Variants in LMX1A observed in about 807,000 individuals in gnomAD.
LMX1A encodes LIM homeobox transcription factor 1 alpha.
A neutral mutation model predicts 49.1 loss-of-function variants in LMX1A; 15 were observed. That is an observed-to-expected ratio of 0.31 (90% CI 0.20 to 0.47). The LOEUF is 0.47. Ranked by LOEUF, LMX1A falls within the 20% of genes least tolerant of loss-of-function variation. The pLI, the probability that LMX1A is intolerant of heterozygous loss-of-function variation, is 1.00. For missense variants in LMX1A, 372 were observed against 475.8 expected (o/e 0.78, Z 2.03); for synonymous variants, 167 against 185.7 (o/e 0.90, Z 0.82).
rs915285745 is a variant in LMX1A, at chr1:165,349,095, T to G, written c.263+3981A>C. Among the ~76,000 whole-genome samples, 3 of 152,164 alleles carry G rather than the reference T, an allele frequency of 2.0e-5. No individual in the cohort carries two copies. In the East Asian group the frequency reaches 5.8e-4, roughly 29 times the overall value. On this transcript the variant is annotated intron_variant, in intron 3 of 8. Coordinates refer to ENST00000342310, the MANE Select transcript of LMX1A (RefSeq NM_177398.4). ...AGCAATCCAAGCGATCATGATAAAC[T>G]TCATATGTGAGGGCAGAGGGCTCCG...
chr1:165,253,086 T>C (rs890894768), intron 3 of LMX1A, among the ~76,000 whole-genome samples: 15 of 152,214 alleles, frequency 9.9e-5, no homozygotes, highest in African/African-American at 3.6e-4. Context: ...ATACTGAGTG[T>C]CTGTTATGTG....
At chr1:165,213,034 C>G (rs1651479114) in intron 5 of LMX1A, 1 of 152,282 alleles carries the variant, frequency 6.6e-6, no homozygotes, top group Non-Finnish European at 1.5e-5. Context: ...CACCCACCAG[C>G]CTTGCCTTGC....
intron 4 of LMX1A, among the ~76,000 whole-genome samples, chr1:165,232,533 C>T (rs1021586479): frequency 6.6e-6 from 1 of 152,094 alleles, no homozygotes; most frequent in East Asian, 1.9e-4. Context: ...GAAGAGGCTT[C>T]TGGCATCATT....
chr1:165,226,606 T>C (rs1043237675), intron 4 of LMX1A, among the ~76,000 whole-genome samples: 4 of 152,156 alleles, frequency 2.6e-5, no homozygotes, highest in South Asian at 4.1e-4. Context: ...TCGGGAATCA[T>C]AGGTGGCTGA....
intron 3 of LMX1A, among the ~76,000 whole-genome samples, chr1:165,289,544 T>C (rs962519095): frequency 2.0e-5 from 3 of 152,242 alleles, no homozygotes; most frequent in Admixed American, 6.5e-5. Context: ...ATGTAAAATG[T>C]TCATGTTTCC....
intron 3 of LMX1A, among the ~76,000 whole-genome samples, chr1:165,309,540 A>G (rs572152033): frequency 1.5e-4 from 23 of 152,266 alleles, no homozygotes; most frequent in African/African-American, 5.1e-4. Flanking sequence ...TTCCTTGAGG[A>G]AGTCCCTCCC....
chr1:165,233,126 C>CA (rs1652293291), intron 4 of LMX1A, among the ~76,000 whole-genome samples: 1 of 152,190 alleles, frequency 6.6e-6, no homozygotes, highest in South Asian at 2.1e-4. Flanking sequence ...CATGAAGACT[C>CA]ACACAATTGC....
intron 3 of LMX1A, among the ~76,000 whole-genome samples, chr1:165,276,021 G>A (rs1161789375): frequency 6.6e-6 from 1 of 151,994 alleles, no homozygotes; most frequent in Non-Finnish European, 1.5e-5. Flanking sequence ...GAGTGTGAGT[G>A]ATGGGATGCA....
chr1:165,271,366 T>C (rs533447799), intron 3 of LMX1A, among the ~76,000 whole-genome samples: 3 of 152,304 alleles, frequency 2.0e-5, no homozygotes, highest in African/African-American at 4.8e-5. Flanking sequence ...CCTGATGACA[T>C]TATTGAACTG....
chr1:165,340,860 A>T (rs1171399798), intron 3 of LMX1A, among the ~76,000 whole-genome samples: 1 of 151,526 alleles, frequency 6.6e-6, no homozygotes, highest in African/African-American at 2.4e-5. Context: ...TCTCTTTATC[A>T]CCCCTTTCCT....
intron 3 of LMX1A, among the ~76,000 whole-genome samples, chr1:165,292,648 T>G (rs571475235): frequency 6.6e-6 from 1 of 152,312 alleles, no homozygotes; most frequent in South Asian, 2.1e-4. Flanking sequence ...TTCCTCCAAA[T>G]AGGCAGCATT....
chr1:165,214,906 G>A (rs1011433247), intron 4 of LMX1A, among the ~76,000 whole-genome samples: 12 of 152,130 alleles, frequency 7.9e-5, no homozygotes, highest in Non-Finnish European at 1.5e-4. Flanking sequence ...TCTAGTATAC[G>A]TCACTTTTTT....
At chr1:165,204,316 C>T (rs1009615252) in intron 8 of LMX1A, among the ~76,000 whole-genome samples, 3 of 152,108 alleles carry the variant, frequency 2.0e-5, no homozygotes, top group African/African-American at 4.8e-5. Flanking sequence ...GGACATGTCA[C>T]CAGAGGCTGG....
Position 165,355,468 on chromosome 1 carries a change from CG to C in LMX1A, c.76+15del, listed in dbSNP as rs536307068. On this transcript the variant is annotated intron_variant, in intron 2 of 8. Transcript: ENST00000342310. This position sits in a 1 kb window ranked among gnomAD's most constrained non-coding sequence, Gnocchi z 4.7. ...GGAAAGAGAGTGCGCCCAGGACGCA[CG>C]GCCTGAACACTCACCCAGCAGCGAG... is the stretch of plus-strand genomic sequence containing the variant. 318 of 1,613,040 alleles carry C rather than the reference CG, an allele frequency of 2.0e-4. 1 individual carries two copies. The highest frequency in any genetic ancestry group is 1.2e-3 in the Middle Eastern group (7 of 6,058).
chr1:165,203,240 C>T lies in LMX1A; in HGVS notation c.*640G>A, dbSNP rs942704836. ...AGACACTCTGAAAACAGAATGAACC[C>T]CAGCACTCAAAGCTATGGGGCTAGG... On this transcript the variant is annotated 3_prime_UTR_variant, in exon 9 of 9. Transcript: ENST00000342310. The T allele has an allele frequency of 3.7e-4, 56 of 152,742 alleles. No homozygotes were observed. The highest frequency in any genetic ancestry group is 1.2e-4 in the Non-Finnish European group (8 of 68,062). 9.5% of individuals were successfully genotyped at this position (152,742 alleles called of 1,614,324 possible).
At chr1:165,352,448 C>G (rs1328340422) in intron 3 of LMX1A, among the ~76,000 whole-genome samples, 5 of 152,234 alleles carry the variant, frequency 3.3e-5, no homozygotes, top group Admixed American at 6.5e-5. Flanking sequence ...TCCGAGGGTT[C>G]TGCAGAAAAC....
At chr1:165,276,154 T>C (rs1334589817) in intron 3 of LMX1A, among the ~76,000 whole-genome samples, 6 of 152,058 alleles carry the variant, frequency 3.9e-5, no homozygotes, top group Non-Finnish European at 8.8e-5. Flanking sequence ...TGAGAATACA[T>C]TTTCTGATTC....
chr1:165,230,639 T>A (rs549479543), intron 4 of LMX1A, among the ~76,000 whole-genome samples: 1 of 152,320 alleles, frequency 6.6e-6, no homozygotes, highest in East Asian at 1.9e-4. Flanking sequence ...TGCTGCAACA[T>A]GCTGGAAAAC....
intron 4 of LMX1A, among the ~76,000 whole-genome samples, chr1:165,242,521 G>A (rs1433744289): frequency 1.3e-5 from 2 of 148,276 alleles, no homozygotes; most frequent in African/African-American, 5.0e-5. Context: ...AGGAAATAAA[G>A]ATATTGTTTG....
Sources: allele counts gnomAD v4.1 joint callset (sites outside exome capture counted in the v4.1 genomes callset), GRCh38; gene constraint gnomAD v4.1.1; non-coding constraint Gnocchi (gnomAD v3.1); transcripts MANE v1.5; gene names NCBI Gene and HGNC (gene_info 2026-07-23, HGNC 2026-07-21).